The following CAGE1 variants were observed in gnomAD, a reference collection of about 807,000 sequenced individuals.
The protein encoded by CAGE1 is cancer antigen 1.
CAGE1 carries 66 observed loss-of-function variants against 94.9 expected under a neutral mutation model. That is an observed-to-expected ratio of 0.70 (90% CI 0.57 to 0.85). The LOEUF is 0.85. CAGE1 is among the 40% of genes least tolerant of loss of function. CAGE1 has a pLI of 0.00. For synonymous variants in CAGE1, 319 were observed against 321.0 expected (o/e 0.99, Z 0.07); for missense variants, 865 against 950.4 (o/e 0.91, Z 1.18).
intron 11 of CAGE1, among the ~76,000 whole-genome samples, chr6:7,340,654 G>T (rs900353753): frequency 2.6e-5 from 4 of 152,138 alleles, no homozygotes; most frequent in African/African-American, 4.8e-5. Context: ...TGATGACTGG[G>T]TCAGATGAGA....
chr6:7,345,887 T>C (rs958091713), intron 11 of CAGE1, among the ~76,000 whole-genome samples: 1 of 152,144 alleles, frequency 6.6e-6, no homozygotes, highest in Non-Finnish European at 1.5e-5. Flanking sequence ...ACTGTACCAC[T>C]GCACTCCAGC....
chr6:7,358,040 A>C (rs866541022), intron 9 of CAGE1, among the ~76,000 whole-genome samples: 1 of 74,128 alleles, frequency 1.3e-5, no homozygotes, highest in Non-Finnish European at 2.5e-5. Context: ...ATATATATAT[A>C]TATATATATA....
chr6:7,381,780 C>A (rs189020967), intron 3 of CAGE1, among the ~76,000 whole-genome samples: 3 of 152,078 alleles, frequency 2.0e-5, no homozygotes, highest in Admixed American at 2.0e-4. Context: ...CTGCCCACCT[C>A]AGCCTCCCAA....
At chr6:7,340,408 C>T (rs996273762) in intron 11 of CAGE1, among the ~76,000 whole-genome samples, 2 of 152,108 alleles carry the variant, frequency 1.3e-5, no homozygotes, top group African/African-American at 4.8e-5. Context: ...TGCGCAGAAA[C>T]TTTTAATTAA....
chr6:7,336,145 T>A (rs1158261908), intron 11 of CAGE1, among the ~76,000 whole-genome samples: 1 of 152,220 alleles, frequency 6.6e-6, no homozygotes, highest in Non-Finnish European at 1.5e-5. Flanking sequence ...ACCAAAAGCC[T>A]GAGTCTATCA....
chr6:7,341,666 A>T (rs1759181703), intron 11 of CAGE1: 6 of 727,688 alleles, frequency 8.2e-6, no homozygotes. Flanking sequence ...ACAGGAATCA[A>T]CTCAACCTTC....
chr6:7,386,908 A>C, intron 2 of CAGE1, 71 bp downstream of exon 2: 11 of 1,065,654 alleles, frequency 1.0e-5, no homozygotes, highest in Non-Finnish European at 1.5e-5. Context: ...GTTTTGAAGA[A>C]ATTTTCATAT....
chr6:7,359,594 T>C (rs1191788587), intron 9 of CAGE1, among the ~76,000 whole-genome samples: 3 of 152,152 alleles, frequency 2.0e-5, no homozygotes, highest in Non-Finnish European at 2.9e-5. Context: ...GAAGTCCTTT[T>C]GGAGAGCTGC....
intron 13 of CAGE1, among the ~76,000 whole-genome samples, chr6:7,327,656 C>T (rs1286087826): frequency 2.0e-5 from 3 of 152,142 alleles, no homozygotes; most frequent in Non-Finnish European, 4.4e-5. Flanking sequence ...ATTGGCTGAG[C>T]GCGGTGGCTC....
intron 13 of CAGE1, among the ~76,000 whole-genome samples, chr6:7,327,856 G>A (rs997591586): frequency 1.2e-4 from 18 of 152,096 alleles, no homozygotes; most frequent in African/African-American, 3.4e-4. Context: ...CTTGAACCCC[G>A]GAAGTGGAGG....
At chr6:7,333,626 C>CCATATA (rs1561846001) in intron 12 of CAGE1, among the ~76,000 whole-genome samples, 2 of 58,272 alleles carry the variant, frequency 3.4e-5, no homozygotes, top group African/African-American at 2.2e-4. Flanking sequence ...TATTATCTAA[C>CCATATA]TATCTATCTA....
chr6:7,357,929 G>C (rs185618076), intron 9 of CAGE1, among the ~76,000 whole-genome samples: 2 of 150,370 alleles, frequency 1.3e-5, no homozygotes, highest in African/African-American at 4.9e-5. Flanking sequence ...TAGTAGCAGG[G>C]ACTACAGGTG....
intron 11 of CAGE1, among the ~76,000 whole-genome samples, chr6:7,353,215 A>C (rs1179434695): frequency 6.6e-6 from 1 of 152,192 alleles, no homozygotes; most frequent in Non-Finnish European, 1.5e-5. Flanking sequence ...AATCCCATCA[A>C]AAAGTGGGCT....
intron 11 of CAGE1, among the ~76,000 whole-genome samples, chr6:7,345,943 G>C (rs1174212022): frequency 6.6e-6 from 1 of 151,982 alleles, no homozygotes; most frequent in Non-Finnish European, 1.5e-5. Context: ...AAAAATTACA[G>C]TATAGCCTAT....
In CAGE1 at chr6:7,386,983, G is replaced by A. The variant is rs1298704513; in HGVS notation, c.191C>T (p.Pro64Leu). ...METTGTTCDL[P>L]QNEIKNFERE... ...GAACTTATAAGCAATGCACACCTGA[G>A]GCAAGTCACAAGTGGTGCCGGTGGT... The change falls in exon 2 of 14, where the codon CCT becomes CTT. Residue 64 changes from proline (P) to leucine (L), a missense_variant. Physicochemically the swap from Pro to Leu is moderately conservative, Grantham distance 98. Coordinates refer to ENST00000502583, the MANE Select transcript of CAGE1 (RefSeq NM_001170692.2). 2 of 1,548,834 alleles carry A rather than the reference G, an allele frequency of 1.3e-6. No homozygotes were observed. Among genetic ancestry groups the A allele is most frequent in the Non-Finnish European group, 1.7e-6 (2 of 1,144,288 alleles).
At chr6:7,384,542 G>A (rs1335854609) in intron 3 of CAGE1, among the ~76,000 whole-genome samples, 1 of 152,138 alleles carries the variant, frequency 6.6e-6, no homozygotes, top group Non-Finnish European at 1.5e-5. Flanking sequence ...CGAGGCAGGA[G>A]ACTCACTTGA....
intron 11 of CAGE1, among the ~76,000 whole-genome samples, chr6:7,351,215 C>A (rs929251946): frequency 6.6e-6 from 1 of 152,000 alleles, no homozygotes; most frequent in Non-Finnish European, 1.5e-5. Context: ...TGGATAAATT[C>A]CTGGAAAAAT....
intron 11 of CAGE1, among the ~76,000 whole-genome samples, chr6:7,348,509 C>CT (rs927237301): frequency 6.6e-6 from 1 of 152,172 alleles, no homozygotes; most frequent in African/African-American, 2.4e-5. Context: ...AAACAAGGCT[C>CT]TTTAACATCC....
In CAGE1 at chr6:7,352,477, A is replaced by G. The variant is rs879196985; in HGVS notation, c.2369+2564T>C. 2.0e-5 allele frequency among the ~76,000 whole-genome samples: 3 copies of G among 152,168 alleles called. No homozygotes were observed. In the East Asian group the frequency reaches 5.8e-4, roughly 29 times the overall value. On this transcript the variant is annotated intron_variant, in intron 11 of 13. Transcript: ENST00000502583. The stretch of plus-strand genomic sequence containing the variant: ...GAAAATGACCATACTGCCAAAAGCA[A>G]TCTACAAATGCAATACAATCCCCAT...
Sources: allele counts gnomAD v4.1 joint callset (sites outside exome capture counted in the v4.1 genomes callset), GRCh38; gene constraint gnomAD v4.1.1; transcripts MANE v1.5; gene names NCBI Gene and HGNC (gene_info 2026-07-23, HGNC 2026-07-21).